The following AOAH variants were observed in gnomAD, a reference collection of about 807,000 sequenced individuals.
The protein encoded by AOAH is acyloxyacyl hydrolase (neutrophil).
A neutral mutation model predicts 92.2 loss-of-function variants in AOAH; 64 were observed. The observed-to-expected ratio is 0.69, with a 90% confidence interval of 0.57 to 0.86. The LOEUF is 0.86. Ranked by LOEUF, AOAH falls within the 40% of genes least tolerant of loss-of-function variation. The pLI is 0.00. For missense variants in AOAH, 656 were observed against 694.6 expected (o/e 0.94, Z 0.62); for synonymous variants, 263 against 254.5 (o/e 1.03, Z -0.32).
At chr7:36,528,684 C>A (rs1340576441) in intron 19 of AOAH, among the ~76,000 whole-genome samples, 1 of 152,188 alleles carries the variant, frequency 6.6e-6, no homozygotes, top group Non-Finnish European at 1.5e-5. Flanking sequence ...CAGCCTCAAC[C>A]ACCCAGGCTC....
chr7:36,659,527 G>A (rs1171081945), intron 3 of AOAH, among the ~76,000 whole-genome samples: 1 of 152,152 alleles, frequency 6.6e-6, no homozygotes, highest in Non-Finnish European at 1.5e-5. Context: ...CCTCTCACGC[G>A]AGTGCTGGGA....
At chr7:36,566,288 C>A (rs1055174664) in intron 13 of AOAH, among the ~76,000 whole-genome samples, 4 of 151,638 alleles carry the variant, frequency 2.6e-5, no homozygotes, top group African/African-American at 9.7e-5. Flanking sequence ...AAAAATAAGT[C>A]CTTCTACGTG....
In AOAH at chr7:36,517,940, CACACCCACACA is replaced by C. The variant is rs1562855096; in HGVS notation, c.1599+4088_1599+4098del. On this transcript the variant is annotated intron_variant, in intron 20 of 20. Transcript: ENST00000617537. ...GAACACACACACACACCCACACACA[CACACCCACACA>C]CACACACACACACACACACGCACAC... Among the ~76,000 whole-genome samples, 387 of 64,910 alleles carry C rather than the reference CACACCCACACA, an allele frequency of 6.0e-3. 1 individual carries two copies. Among genetic ancestry groups the C allele is most frequent in the African/African-American group, 0.013 (260 of 20,262 alleles). The allele number at this position is 64,910 out of a possible 152,430, so 42.6% of individuals were successfully genotyped here. A position where few individuals can be genotyped will look rare whatever the true frequency, so the allele number is the denominator to read the frequency against.
intron 16 of AOAH, among the ~76,000 whole-genome samples, chr7:36,536,410 A>G (rs1017983967): frequency 2.0e-5 from 3 of 152,092 alleles, no homozygotes; most frequent in Admixed American, 6.6e-5. Context: ...CACTGTTAGC[A>G]CAACCCTTAA....
At position 36,678,600 on chromosome 7, in the gene AOAH, T is replaced by TGTGTGTGCGC. The variant is rs549317369; in HGVS notation, c.224-4592_224-4591insGCGCACACAC. On this transcript the variant is annotated intron_variant, in intron 2 of 20. Transcript: ENST00000617537. ...GTGTGTGTGTGTGTGTGTGTGTGTGTGCGCGCGCGCGCGCGTTAGAATTCT... is the reference window on the plus strand; with the variant it reads ...GTGTGTGTGTGTGTGTGTGTGTGTGTGTGTGTGCGCGCGCGCGCGCGCGCGTTAGAATTCT... 8.5e-3 allele frequency among the ~76,000 whole-genome samples: 1,107 copies of TGTGTGTGCGC among 130,834 alleles called. 14 individuals are homozygous for TGTGTGTGCGC. The highest frequency in any genetic ancestry group is 0.021 in the Middle Eastern group (5 of 234). The allele number at this position is 130,834 out of a possible 152,430, so 85.8% of individuals were successfully genotyped here.
Position 36,597,134 on chromosome 7 carries a change from C to T in AOAH, c.847-2704G>A, listed in dbSNP as rs74639504. Among the ~76,000 whole-genome samples the T allele has an allele frequency of 7.5e-3, 1,134 of 152,170 alleles. 13 individuals are homozygous for T. The highest frequency in any genetic ancestry group is 0.026 in the African/African-American group (1,075 of 41,496). On this transcript the variant is annotated intron_variant, in intron 11 of 20. Transcript: ENST00000617537. ...GGGAGGAGTTGGTCAGGAAGTATGGCGTCCTGGGATGCACCTGTATTAATG... is the reference window on the plus strand; with the variant it reads ...GGGAGGAGTTGGTCAGGAAGTATGGTGTCCTGGGATGCACCTGTATTAATG...
At chr7:36,688,925 A>G (rs926056700) in intron 1 of AOAH, among the ~76,000 whole-genome samples, 2 of 152,100 alleles carry the variant, frequency 1.3e-5, no homozygotes, top group Non-Finnish European at 2.9e-5. Context: ...GTATGTACAT[A>G]TAGATGTATA....
At chr7:36,649,056 T>C (rs1293204793) in intron 4 of AOAH, among the ~76,000 whole-genome samples, 1 of 152,236 alleles carries the variant, frequency 6.6e-6, no homozygotes, top group Non-Finnish European at 1.5e-5. Flanking sequence ...GCTAAGCACT[T>C]AGTCCAATTT....
intron 11 of AOAH, among the ~76,000 whole-genome samples, chr7:36,607,532 T>C (rs1466140542): frequency 1.3e-5 from 2 of 152,238 alleles, no homozygotes; most frequent in Admixed American, 6.5e-5. Flanking sequence ...CACTCATCTG[T>C]GGTGCTAATT....
At chr7:36,714,609 C>T (rs1234532086) in intron 1 of AOAH, among the ~76,000 whole-genome samples, 1 of 152,202 alleles carries the variant, frequency 6.6e-6, no homozygotes. Context: ...TCCAGCCTCA[C>T]ATCAAAAAGC....
chr7:36,529,783 G>A (rs1784588031), intron 19 of AOAH, among the ~76,000 whole-genome samples: 1 of 152,216 alleles, frequency 6.6e-6, no homozygotes, highest in Non-Finnish European at 1.5e-5. Context: ...GACTCAAGAT[G>A]TAAAGAGTAA....
At chr7:36,617,086 G>C (rs1334161023) in intron 10 of AOAH, among the ~76,000 whole-genome samples, 1 of 152,174 alleles carries the variant, frequency 6.6e-6, no homozygotes, top group Non-Finnish European at 1.5e-5. Context: ...AATTCCTTAA[G>C]ATCCTGAAAG....
chr7:36,710,629 G>T (rs1384547778), intron 1 of AOAH, among the ~76,000 whole-genome samples: 2 of 152,208 alleles, frequency 1.3e-5, no homozygotes, highest in Non-Finnish European at 2.9e-5. Context: ...GCTGATAAGT[G>T]TGTGGCAATT....
chr7:36,528,093 T>C (rs1583734617), intron 19 of AOAH, among the ~76,000 whole-genome samples: 1 of 152,060 alleles, frequency 6.6e-6, no homozygotes, highest in Admixed American at 6.5e-5. Context: ...CCCACAGTGG[T>C]CTCACTGTGC....
At chr7:36,558,263 T>C (rs1190478711) in intron 13 of AOAH, among the ~76,000 whole-genome samples, 2 of 152,226 alleles carry the variant, frequency 1.3e-5, no homozygotes, top group African/African-American at 4.8e-5. Context: ...CAGACCCTGT[T>C]TGCCTGGGTA....
intron 1 of AOAH, among the ~76,000 whole-genome samples, chr7:36,710,521 C>G (rs953234958): frequency 6.6e-6 from 1 of 152,186 alleles, no homozygotes; most frequent in Admixed American, 6.5e-5. Context: ...AACATTTTGA[C>G]TTCAGCCTTG....
At chr7:36,709,862 A>T (rs1798651435) in intron 1 of AOAH, among the ~76,000 whole-genome samples, 1 of 152,102 alleles carries the variant, frequency 6.6e-6, no homozygotes, top group African/African-American at 2.4e-5. Flanking sequence ...CCATAAACAA[A>T]CCCAAACCAC....
At chr7:36,578,048 T>C (rs1788655828) in intron 12 of AOAH, among the ~76,000 whole-genome samples, 1 of 152,208 alleles carries the variant, frequency 6.6e-6, no homozygotes. Context: ...ATGATAGTGT[T>C]TTTTAATACA....
chr7:36,703,939 G>A (rs561503234), intron 1 of AOAH, among the ~76,000 whole-genome samples: 18 of 152,230 alleles, frequency 1.2e-4, no homozygotes, highest in South Asian at 4.1e-4. Flanking sequence ...GTGTAAAAGC[G>A]TTCCTATTTC....
Sources: allele counts gnomAD v4.1 joint callset (sites outside exome capture counted in the v4.1 genomes callset), GRCh38; gene constraint gnomAD v4.1.1; transcripts MANE v1.5; gene names NCBI Gene and HGNC (gene_info 2026-07-23, HGNC 2026-07-21).